ANK2: variants seen among roughly 807,000 people sequenced by gnomAD.
The protein encoded by ANK2 is ankyrin 2.
In ANK2, 83 loss-of-function variants were observed where a neutral mutation model predicts 360.5. The observed-to-expected ratio is 0.23, with a 90% CI of 0.19 to 0.28. The LOEUF (loss-of-function observed/expected upper bound fraction) is 0.28. ANK2 is among the 10% of genes least tolerant of loss of function. The pLI is 1.00. For missense variants in ANK2, 4,201 were observed against 4,795.7 expected, an observed-to-expected ratio of 0.88 and a Z score of 3.66; for synonymous variants, 1,740 against 1,759.5, an observed-to-expected ratio of 0.99 and a Z score of 0.28.
At chr4:113,215,858 T>C (rs980607291) in intron 4 of ANK2, among the ~76,000 whole-genome samples, 5 of 152,182 alleles carry the variant, frequency 3.3e-5, no homozygotes, top group African/African-American at 1.2e-4. Flanking sequence ...CTACAATTTT[T>C]CTATCTTCTA....
At chr4:112,881,855 G>A (rs946458953) in intron 1 of ANK2, 45 of 846,630 alleles carry the variant, frequency 5.3e-5, no homozygotes, top group Non-Finnish European at 8.6e-5. Context: ...AGTGGGCACC[G>A]GGTTTTTGAG....
chr4:112,865,456 C>T (rs968888947), intron 1 of ANK2, among the ~76,000 whole-genome samples: 6 of 152,100 alleles, frequency 3.9e-5, no homozygotes, highest in African/African-American at 1.4e-4. Context: ...AAAAAGATTT[C>T]TGAGTATATG....
In ANK2 at chr4:113,056,404, A is replaced by G. The variant is rs1396290923; in HGVS notation, c.84+6592A>G. 2.6e-5 allele frequency among the ~76,000 whole-genome samples: 4 copies of G among 152,170 alleles called. No homozygotes were observed. The East Asian group carries it at 5.8e-4, about 22-fold the overall frequency. ...ACATTAAAATAGACTTGAAATTTTA[A>G]TCTGTATTTGTTTCTGTCTTGTCCT... On this transcript the variant is annotated intron_variant, in intron 1 of 45. Transcript: ENST00000357077.
At chr4:112,968,235 G>A (rs79538682) in intron 2 of ANK2, among the ~76,000 whole-genome samples, 5,552 of 152,242 alleles carry the variant, frequency 0.036, 206 homozygotes, top group African/African-American at 0.093. Flanking sequence ...TGGTGGTACC[G>A]CTGAATAATG....
chr4:112,975,351 C>T (rs893535147), intron 2 of ANK2, among the ~76,000 whole-genome samples: 3 of 151,296 alleles, frequency 2.0e-5, no homozygotes, highest in Non-Finnish European at 2.9e-5. Flanking sequence ...AATGTTCCTT[C>T]AAATAAAAAA....
At position 113,179,895 on chromosome 4, in the gene ANK2, C is replaced by T. The variant is rs1584062271; in HGVS notation, c.186+5378C>T. Reference sequence around the variant, plus strand: ...TTTATTAGTTTCACTATAGTGACTTCAAAATGAAAGACTATCACTTAGCAT... The same window carrying T: ...TTTATTAGTTTCACTATAGTGACTTTAAAATGAAAGACTATCACTTAGCAT... On this transcript the variant is annotated intron_variant, in intron 2 of 45. Transcript: ENST00000357077. Among the ~76,000 whole-genome samples, 6 of 152,296 alleles carry T rather than the reference C, an allele frequency of 3.9e-5. 1 individual carries two copies. In the South Asian group the frequency reaches 1.2e-3, roughly 32 times the overall value.
chr4:112,784,723 C>A, the ANK2 span, among the ~76,000 whole-genome samples: 2 of 152,048 alleles, frequency 1.3e-5, no homozygotes, highest in Non-Finnish European at 1.5e-5. Context: ...GCATGAGCCA[C>A]CATTTCTGGC....
At chr4:113,151,028 TA>T in intron 1 of ANK2, 1 of 1,242,786 alleles carries the variant, frequency 8.0e-7, no homozygotes, top group Non-Finnish European at 1.0e-6. Flanking sequence ...AATTAATGAC[TA>T]GGAAATCACC....
chr4:112,844,467 T>G (rs6817867), intron 1 of ANK2, among the ~76,000 whole-genome samples: 110,714 of 152,188 alleles, frequency 0.73, 41,196 homozygotes, highest in East Asian at 0.97. Context: ...TTTTCCTTTA[T>G]CAGGAACTGT....
intron 1 of ANK2, among the ~76,000 whole-genome samples, chr4:112,884,332 G>C (rs2077647698): frequency 6.6e-6 from 1 of 152,158 alleles, no homozygotes; most frequent in Non-Finnish European, 1.5e-5. Flanking sequence ...AATATTTTTG[G>C]TTTTGTGGAT....
intron 1 of ANK2, among the ~76,000 whole-genome samples, chr4:113,097,404 T>C (rs1405749223): frequency 2.6e-5 from 4 of 152,076 alleles, no homozygotes; most frequent in East Asian, 1.9e-4. Context: ...CTCTGTAAGG[T>C]AGATTTGGCT....
chr4:113,157,649 A>T (rs1287702626), intron 1 of ANK2, among the ~76,000 whole-genome samples: 2 of 152,236 alleles, frequency 1.3e-5, no homozygotes, highest in Non-Finnish European at 2.9e-5. Flanking sequence ...GGAGATCAGA[A>T]CATGAGAGTT....
At position 113,365,226 on chromosome 4, in the gene ANK2, T is replaced by C. The variant is rs781005474; in HGVS notation, c.11032+44T>C. 3 of 1,594,330 alleles carry C rather than the reference T, an allele frequency of 1.9e-6. No individual in the cohort carries two copies. In the South Asian group the frequency reaches 3.3e-5, roughly 18 times the overall value. On this transcript the variant is annotated intron_variant, in intron 41 of 45. Transcript: ENST00000357077. ...ATGTGTGTGTGTGTGTGTGTGTGTG[T>C]GTGTGTTGTGTCTGTGTGTGGTTAA...
At chr4:112,872,407 G>A (rs960787215) in intron 1 of ANK2, among the ~76,000 whole-genome samples, 4 of 151,522 alleles carry the variant, frequency 2.6e-5, no homozygotes, top group South Asian at 2.1e-4. Context: ...GCATGATCTC[G>A]GCTCACCACA....
At chr4:113,044,556 A>G (rs2063792933) in intron 2 of ANK2, among the ~76,000 whole-genome samples, 1 of 152,168 alleles carries the variant, frequency 6.6e-6, no homozygotes, top group Non-Finnish European at 1.5e-5. Context: ...GTATTCTCTC[A>G]CAGTTATGAA....
chr4:113,200,918 A>C (rs2153414511), intron 4 of ANK2, among the ~76,000 whole-genome samples: 1 of 152,200 alleles, frequency 6.6e-6, no homozygotes, highest in South Asian at 2.1e-4. Flanking sequence ...GGATAGTATT[A>C]GGGGAAATAC....
At chr4:113,107,016 G>C in intron 1 of ANK2, 1 of 470,202 alleles carries the variant, frequency 2.1e-6, no homozygotes, top group Middle Eastern at 7.4e-4. Flanking sequence ...ATTGTTCTTT[G>C]TTGTGTTTTT....
chr4:112,972,744 C>T (rs2039983294), intron 2 of ANK2, among the ~76,000 whole-genome samples: 2 of 152,082 alleles, frequency 1.3e-5, no homozygotes. Flanking sequence ...GCACAATTTG[C>T]AACTGCAAAG....
At chr4:112,889,959 A>T (rs2079484289) in intron 1 of ANK2, among the ~76,000 whole-genome samples, 1 of 152,210 alleles carries the variant, frequency 6.6e-6, no homozygotes, top group African/African-American at 2.4e-5. Flanking sequence ...TCTTCTTTTT[A>T]TAGCTTGTAA....
Sources: allele counts gnomAD v4.1 joint callset (sites outside exome capture counted in the v4.1 genomes callset), GRCh38; gene constraint gnomAD v4.1.1; transcripts MANE v1.5; gene names NCBI Gene and HGNC (gene_info 2026-07-23, HGNC 2026-07-21).